MAPKBP1: variants seen among roughly 807,000 people sequenced by gnomAD.
MAPKBP1 encodes mitogen-activated protein kinase-binding protein 1.
In MAPKBP1, 71 loss-of-function variants were observed where a neutral mutation model predicts 170.5. The observed-to-expected ratio is 0.42, with a 90% CI of 0.34 to 0.51. The LOEUF (loss-of-function observed/expected upper bound fraction) is 0.51. Among genes scored for constraint, MAPKBP1 ranks in the 20% least tolerant of loss-of-function variants. The pLI, the probability that MAPKBP1 is intolerant of heterozygous loss-of-function variation, is 0.06. For synonymous variants in MAPKBP1, 719 were observed against 757.9 expected (o/e 0.95, Z 0.84); for missense variants, 1,598 against 1,933.0 (o/e 0.83, Z 3.25).
chr15:41,791,280 G>T (rs1026563815), intron 2 of MAPKBP1, among the ~76,000 whole-genome samples: 8 of 152,152 alleles, frequency 5.3e-5, no homozygotes, highest in Non-Finnish European at 1.0e-4. Context: ...CAGTTGCTGG[G>T]GTTTCTTTAC....
intron 12 of MAPKBP1, 33 bp downstream of exon 12, chr15:41,815,832 C>T (rs2064881585): frequency 1.3e-6 from 2 of 1,593,558 alleles, no homozygotes; most frequent in East Asian, 4.5e-5. Context: ...TACTGACTGC[C>T]TCTCATGGTG....
In MAPKBP1 at chr15:41,817,902, G is replaced by T. The variant is rs1471476189; in HGVS notation, c.1905-107G>T. 1.3e-6 allele frequency: 2 copies of T among 1,515,466 alleles called. No homozygotes were observed. The highest frequency in any genetic ancestry group is 1.4e-5 in the African/African-American group (1 of 72,868). 93.9% of individuals were successfully genotyped at this position (1,515,466 alleles called of 1,614,324 possible). A position where few individuals can be genotyped will look rare whatever the true frequency, so the allele number is the denominator to read the frequency against. On this transcript the variant is annotated intron_variant, in intron 16 of 30. Transcript: ENST00000457542. This position sits in a 1 kb window ranked among gnomAD's most constrained non-coding sequence, Gnocchi z 4.2. ...GGTGGTAGCCTGTTTGCTGCTGGGG[G>T]TAGCTCCCAGAGAGTGTAGACTGGG... is the stretch of plus-strand genomic sequence containing the variant.
intron 20 of MAPKBP1, 71 bp downstream of exon 20, chr15:41,819,028 C>A: frequency 1.3e-6 from 2 of 1,591,192 alleles, no homozygotes; most frequent in Non-Finnish European, 8.6e-7. Flanking sequence ...TGCACTTCCT[C>A]CATGCTTTGG....
chr15:41,815,540 G>C, intron 11 of MAPKBP1, 84 bp from the exon 12 acceptor site: 4 of 1,554,720 alleles, frequency 2.6e-6, no homozygotes, highest in East Asian at 2.3e-5. Context: ...GTGGTCCAAG[G>C]GTTTGTTTTG....
At chr15:41,779,267 G>C (rs2064144248) in intron 2 of MAPKBP1, among the ~76,000 whole-genome samples, 1 of 152,200 alleles carries the variant, frequency 6.6e-6, no homozygotes. Context: ...CTGGAGTACA[G>C]TGGCGTGATC....
At chr15:41,782,944 C>T (rs1363056944) in intron 2 of MAPKBP1, among the ~76,000 whole-genome samples, 1 of 152,240 alleles carries the variant, frequency 6.6e-6, no homozygotes, top group African/African-American at 2.4e-5. Context: ...TTCCCACCTC[C>T]AGCTCCAGAT....
intron 25 of MAPKBP1, 29 bp downstream of exon 25, chr15:41,822,139 A>C (rs370516202): frequency 2.9e-6 from 2 of 697,090 alleles, no homozygotes; most frequent in East Asian, 1.1e-4. Context: ...GGGAGGGGCC[A>C]TGGGGGGTGG....
intron 2 of MAPKBP1, among the ~76,000 whole-genome samples, chr15:41,780,070 A>T (rs1179931605): frequency 6.6e-6 from 1 of 152,196 alleles, no homozygotes; most frequent in African/African-American, 2.4e-5. Flanking sequence ...AAAATAGCCC[A>T]GCCTCTTCAG....
intron 2 of MAPKBP1, among the ~76,000 whole-genome samples, chr15:41,778,200 T>C (rs971173924): frequency 1.3e-5 from 2 of 152,342 alleles, no homozygotes; most frequent in African/African-American, 4.8e-5. Flanking sequence ...AATTTAAAGA[T>C]GTCAAATATA....
At chr15:41,784,651 G>T (rs900817004) in intron 2 of MAPKBP1, among the ~76,000 whole-genome samples, 1 of 151,518 alleles carries the variant, frequency 6.6e-6, no homozygotes, top group East Asian at 1.9e-4. Flanking sequence ...GCGTGGTGGC[G>T]CACACCTGTA....
At chr15:41,779,657 A>G (rs2064152151) in intron 2 of MAPKBP1, among the ~76,000 whole-genome samples, 1 of 152,128 alleles carries the variant, frequency 6.6e-6, no homozygotes, top group Non-Finnish European at 1.5e-5. Context: ...TGCCTTTCTG[A>G]GTAGCTGGGA....
chr15:41,815,825 T>C (rs1249616347), intron 12 of MAPKBP1, 26 bp downstream of exon 12: 1 of 1,598,152 alleles, frequency 6.3e-7, no homozygotes, highest in Admixed American at 1.7e-5. Flanking sequence ...GGGTGGGTAC[T>C]GACTGCCTCT....
intron 22 of MAPKBP1, 146 bp from the exon 23 acceptor site, chr15:41,820,686 C>G: frequency 4.7e-6 from 3 of 642,874 alleles, no homozygotes; most frequent in Non-Finnish European, 8.3e-6. Flanking sequence ...AAGGATTATA[C>G]TAGTGCCCAT....
rs780470094 is a variant in MAPKBP1, at chr15:41,823,219, C to T, written c.3595C>T (p.Gln1199Ter). ...CCAGTCTGTGCACAGTCTGGTGCCACAGGGTGAGAAGCCTGATGGGTTCAG... is the reference window on the plus strand; with the variant it reads ...CCAGTCTGTGCACAGTCTGGTGCCATAGGGTGAGAAGCCTGATGGGTTCAG... ...KAQSVHSLVP[Q>*]ERHEASLQAP... The change falls in exon 28 of 31, where the codon CAG becomes TAG. Residue 1199 changes from glutamine (Q) to a stop codon, truncating the protein, a stop_gained. Coordinates refer to ENST00000457542, the MANE Select transcript of MAPKBP1 (RefSeq NM_014994.3). LOFTEE classifies it high-confidence loss of function. The T allele has an allele frequency of 1.2e-6, 2 of 1,612,610 alleles. No homozygotes were observed. Among genetic ancestry groups the T allele is most frequent in the Admixed American group, 1.7e-5 (1 of 59,970 alleles).
Position 41,821,484 on chromosome 15 carries a change from A to G in MAPKBP1, c.2719-100A>G. The G allele has an allele frequency of 2.7e-6, 3 of 1,102,574 alleles. No homozygotes were observed. In the East Asian group the frequency reaches 7.1e-5, roughly 26 times the overall value. The allele number at this position is 1,102,574 out of a possible 1,614,324, so 68.3% of individuals were successfully genotyped here. A position where few individuals can be genotyped will look rare whatever the true frequency, so the allele number is the denominator to read the frequency against. On this transcript the variant is annotated intron_variant, in intron 23 of 30. Coordinates refer to ENST00000457542, the MANE Select transcript of MAPKBP1 (RefSeq NM_014994.3). ...CTTACTCACCTCCACCTCTTCTCCAAGGGGAGGGTTGGCCCCCAGGATACT... is the reference window on the plus strand; with the variant it reads ...CTTACTCACCTCCACCTCTTCTCCAGGGGGAGGGTTGGCCCCCAGGATACT...
intron 3 of MAPKBP1, among the ~76,000 whole-genome samples, chr15:41,803,434 A>AAAAAAAAACAAAAAAAAG: frequency 1.1e-5 from 1 of 90,758 alleles, no homozygotes; most frequent in Non-Finnish European, 2.0e-5. Context: ...AAAAAAAAAA[A>AAAAAAAAACAAAAAAAAG]AGGTTAAGCA....
Position 41,816,610 on chromosome 15 carries a change from C to T in MAPKBP1, c.1545C>T (p.Asp515=). Residue 515 remains aspartate (D), a synonymous_variant, in exon 13 of 31, where the codon GAC becomes GAT. Transcript: ENST00000457542. ...LSEMLKVEAH[D]SEILCLEYSK... is the part of the protein sequence containing the mutation. ...AGATGCTGAAGGTGGAGGCCCATGA[C>T]TCTGAGATTCTGTGCCTGGAGTATT... The T allele has an allele frequency of 6.2e-7, 1 of 1,614,032 alleles. No homozygotes were observed. Among genetic ancestry groups the T allele is most frequent in the Non-Finnish European group, 8.5e-7 (1 of 1,180,030 alleles).
chr15:41,777,593 A>G lies in MAPKBP1; in HGVS notation c.114+2204A>G, dbSNP rs560513957. Among the ~76,000 whole-genome samples the G allele has an allele frequency of 7.2e-5, 11 of 152,276 alleles. No individual in the cohort carries two copies. The South Asian group carries it at 2.3e-3, about 32-fold the overall frequency. ...GACCCTTGAATGGTCTGGCAGCAAAATGACTGGTGCATATCTTTAGCACCC... is the reference window on the plus strand; with the variant it reads ...GACCCTTGAATGGTCTGGCAGCAAAGTGACTGGTGCATATCTTTAGCACCC... On this transcript the variant is annotated intron_variant, in intron 2 of 30. Transcript: ENST00000457542.
Position 41,813,119 on chromosome 15 carries a change from CA to C in MAPKBP1, c.819+19del, listed in dbSNP as rs1370690555. 6.3e-7 allele frequency: 1 copy of C among 1,587,540 alleles called. No individual in the cohort carries two copies. The highest frequency in any genetic ancestry group is 8.6e-7 in the Non-Finnish European group (1 of 1,167,008). On this transcript the variant is annotated intron_variant, in intron 8 of 30. Coordinates refer to ENST00000457542, the MANE Select transcript of MAPKBP1 (RefSeq NM_014994.3). Reference sequence around the variant, plus strand: ...AGCTGAGGGTAAGTACCTCCGTCCCCAGGGGTAGGGTCTGCTCATGTCTCAG... The same window carrying C: ...AGCTGAGGGTAAGTACCTCCGTCCCCGGGGTAGGGTCTGCTCATGTCTCAG...
Sources: allele counts gnomAD v4.1 joint callset (sites outside exome capture counted in the v4.1 genomes callset), GRCh38; gene constraint gnomAD v4.1.1; non-coding constraint Gnocchi (gnomAD v3.1); transcripts MANE v1.5; gene names NCBI Gene and HGNC (gene_info 2026-07-23, HGNC 2026-07-21).